The following FARP2 variants were observed in gnomAD, a reference collection of about 807,000 sequenced individuals.
FARP2 encodes the protein FERM, ARHGEF and pleckstrin domain-containing protein 2.
In FARP2, 111 loss-of-function variants were observed where a neutral mutation model predicts 130.5. The ratio of observed to expected loss-of-function variants is 0.85; its 90% confidence interval spans 0.73 to 1.00. FARP2 has a LOEUF of 1.00. Among genes scored for constraint, FARP2 ranks in the 50% least tolerant of loss-of-function variants. The pLI is 0.00. For missense variants in FARP2, 1,385 were observed against 1,346.3 expected, an observed-to-expected ratio of 1.03 and a Z score of -0.45; for synonymous variants, 504 against 516.9, an observed-to-expected ratio of 0.98 and a Z score of 0.34.
chr2:241,435,660 T>C (rs1330944746), intron 11 of FARP2, among the ~76,000 whole-genome samples: 2 of 149,850 alleles, frequency 1.3e-5, no homozygotes, highest in Non-Finnish European at 3.0e-5. Flanking sequence ...TGCAGGCGCC[T>C]GCCACCACGC....
At chr2:241,421,536 C>G (rs2062807321) in intron 8 of FARP2, among the ~76,000 whole-genome samples, 1 of 152,168 alleles carries the variant, frequency 6.6e-6, no homozygotes, top group Non-Finnish European at 1.5e-5. Flanking sequence ...GTTGACTCAG[C>G]CATTTTAGCC....
chr2:241,361,433 T>C (rs1243519118), intron 1 of FARP2, among the ~76,000 whole-genome samples: 3 of 152,186 alleles, frequency 2.0e-5, no homozygotes, highest in African/African-American at 7.2e-5. Flanking sequence ...TCCAACTTAA[T>C]GTACCCTTAC....
intron 18 of FARP2, among the ~76,000 whole-genome samples, chr2:241,474,808 TAAATAAATA>T (rs1411369426): frequency 1.9e-5 from 2 of 107,544 alleles, no homozygotes; most frequent in Non-Finnish European, 4.2e-5. Context: ...TAATAATAAA[TAAATAAATA>T]AATAAATAAA....
chr2:241,455,722 A>G (rs1419429207), intron 13 of FARP2, among the ~76,000 whole-genome samples: 5 of 142,568 alleles, frequency 3.5e-5, no homozygotes, highest in Admixed American at 2.1e-4. Flanking sequence ...CTTCTCTAAA[A>G]CTCTAAAGTT....
At chr2:241,445,580 C>CTGCTTTG (rs1319937231) in intron 13 of FARP2, 1 of 152,266 alleles carries the variant, frequency 6.6e-6, no homozygotes, top group Admixed American at 6.5e-5. Context: ...GCTTTTGTTT[C>CTGCTTTG]TGCTTTGTGC....
chr2:241,489,467 T>G (rs2064840539), intron 21 of FARP2: 1 of 153,042 alleles, frequency 6.5e-6, no homozygotes, highest in Non-Finnish European at 1.5e-5. Flanking sequence ...GAACGATCCT[T>G]GCATTCCCCA....
At chr2:241,366,111 A>ATATATGTG (rs2061304830) in intron 1 of FARP2, among the ~76,000 whole-genome samples, 1 of 16,574 alleles carries the variant, frequency 6.0e-5, no homozygotes, top group Non-Finnish European at 1.3e-4. Flanking sequence ...AAAAATATAT[A>ATATATGTG]TATATATATA....
chr2:241,428,358 C>G (rs969788364), intron 8 of FARP2, among the ~76,000 whole-genome samples: 12 of 150,952 alleles, frequency 7.9e-5, no homozygotes, highest in African/African-American at 2.9e-4. Flanking sequence ...CCTCAGCCTG[C>G]TGAGTAGCTA....
At chr2:241,361,282 T>C (rs1027694823) in intron 1 of FARP2, among the ~76,000 whole-genome samples, 4 of 152,182 alleles carry the variant, frequency 2.6e-5, no homozygotes, top group Non-Finnish European at 5.9e-5. Flanking sequence ...ATAAAAGCCC[T>C]GGTGAACCAG....
At chr2:241,405,765 C>G (rs984320718) in intron 4 of FARP2, among the ~76,000 whole-genome samples, 1 of 152,066 alleles carries the variant, frequency 6.6e-6, no homozygotes. Flanking sequence ...GAAACCCTGT[C>G]TCTACTAAAA....
intron 12 of FARP2, among the ~76,000 whole-genome samples, chr2:241,440,923 G>C (rs2150414903): frequency 6.6e-6 from 1 of 152,268 alleles, no homozygotes; most frequent in Middle Eastern, 3.4e-3. Context: ...GGCGAAGATG[G>C]GTGGATCACT....
chr2:241,372,141 C>G (rs2061437942), intron 1 of FARP2, among the ~76,000 whole-genome samples: 1 of 152,028 alleles, frequency 6.6e-6, no homozygotes. Flanking sequence ...TCCCTTGGCA[C>G]AAAAGGAGAG....
At chr2:241,383,202 C>A (rs2061702900) in intron 2 of FARP2, among the ~76,000 whole-genome samples, 1 of 152,236 alleles carries the variant, frequency 6.6e-6, no homozygotes, top group Non-Finnish European at 1.5e-5. Flanking sequence ...GTGAACGTAG[C>A]AGACAGGAGC....
At chr2:241,466,374 C>T in intron 17 of FARP2, 4 of 985,426 alleles carry the variant, frequency 4.1e-6, no homozygotes, top group Non-Finnish European at 4.8e-6. Context: ...AGGATTGAAG[C>T]CATGACCAGG....
intron 2 of FARP2, among the ~76,000 whole-genome samples, chr2:241,385,705 G>C (rs1243168253): frequency 6.6e-6 from 1 of 151,954 alleles, no homozygotes; most frequent in Non-Finnish European, 1.5e-5. Flanking sequence ...GGGTGACAGA[G>C]CCAGACCTTG....
rs547134701 is a variant in FARP2, at chr2:241,491,155, C to T, written c.2599C>T (p.Arg867Cys). The change falls in exon 23 of 27, where the codon CGC (arginine) becomes TGC (cysteine). Residue 867 changes from arginine to cysteine, a missense_variant. Transcript: ENST00000264042. ...GGDTAPALPGRTVCTRPPRSP... is the reference protein window; with the variant it reads ...GGDTAPALPGCTVCTRPPRSP... ...TGACACGGCCCCTGCACTGCCAGGC[C>T]GCACTGTGTGCACTCGTCCCCCCAG... The T allele has an allele frequency of 3.5e-5, 56 of 1,612,910 alleles. No individual in the cohort carries two copies. The East Asian group carries it at 4.7e-4, about 13-fold the overall frequency.
At chr2:241,430,101 T>G (rs1432336303) in intron 8 of FARP2, among the ~76,000 whole-genome samples, 1 of 152,218 alleles carries the variant, frequency 6.6e-6, no homozygotes, top group Non-Finnish European at 1.5e-5. Context: ...TTTATGTCAC[T>G]GTGGATTCAT....
Position 241,491,178 on chromosome 2 carries a change from C to T in FARP2, c.2622C>T (p.Pro874=). ...LPGRTVCTRP[P]RSPNEVSLEQ... ...GCCGCACTGTGTGCACTCGTCCCCC[C>T]AGTGAGTGCTGGCCACAACCCCCCA... The change falls in exon 23 of 27, where the codon CCC becomes CCT. Residue 874 remains proline (P), a splice_region_variant and synonymous_variant. Transcript: ENST00000264042. 6.2e-7 allele frequency: 1 copy of T among 1,604,528 alleles called. No homozygotes were observed. Among genetic ancestry groups the T allele is most frequent in the Non-Finnish European group, 8.5e-7 (1 of 1,171,864 alleles).
At chr2:241,364,779 T>C (rs555557886) in intron 1 of FARP2, among the ~76,000 whole-genome samples, 3 of 152,250 alleles carry the variant, frequency 2.0e-5, no homozygotes, top group Non-Finnish European at 4.4e-5. Context: ...TTTAATACTT[T>C]TCATTTTTTC....
Sources: gnomAD v4.1 joint callset for allele counts (sites outside exome capture counted in the v4.1 genomes callset) on GRCh38, gnomAD v4.1.1 for gene constraint, MANE v1.5 for transcripts, NCBI Gene and HGNC (gene_info 2026-07-23, HGNC 2026-07-21) for gene names.